PHC3: variants seen among roughly 807,000 people sequenced by gnomAD.
The protein encoded by PHC3 is polyhomeotic homolog 3, also known as polyhomeotic-like protein 3.
PHC3 carries 13 observed loss-of-function variants against 107.4 expected under a neutral mutation model. The ratio of observed to expected loss-of-function variants is 0.12; its 90% CI spans 0.08 to 0.19. PHC3 has a LOEUF of 0.19. Ranked by LOEUF, PHC3 falls within the 10% of genes least tolerant of loss-of-function variation. The pLI is 1.00. For synonymous variants in PHC3, 456 were observed against 427.4 expected, an observed-to-expected ratio of 1.07 and a Z score of -0.83; for missense variants, 992 against 1,210.9, an observed-to-expected ratio of 0.82 and a Z score of 2.68.
chr3:170,133,864 C>T lies in PHC3; in HGVS notation c.919+2555G>A, dbSNP rs115160529. 5.9e-3 allele frequency among the ~76,000 whole-genome samples: 903 copies of T among 152,244 alleles called. 9 individuals are homozygous for T. The highest frequency in any genetic ancestry group is 0.021 in the African/African-American group (855 of 41,546). On this transcript the variant is annotated intron_variant, in intron 7 of 14. Transcript: ENST00000495893. ...TTAAGGGGGACTGAAAAATCCAAAA[C>T]TAGATTTCCTTGCTTGAACTAACCC...
At chr3:170,172,472 G>A (rs1729759485) in intron 3 of PHC3, 85 bp downstream of exon 3, 1 of 1,446,876 alleles carries the variant, frequency 6.9e-7, no homozygotes, top group East Asian at 2.3e-5. Context: ...TGAGAACTCT[G>A]AAATAATACC....
Position 170,129,525 on chromosome 3 carries a change from G to T in PHC3, c.947C>A (p.Ser316Tyr). 6.2e-7 allele frequency: 1 copy of T among 1,613,518 alleles called. No individual in the cohort carries two copies. Among genetic ancestry groups the T allele is most frequent in the Non-Finnish European group, 8.5e-7 (1 of 1,179,604 alleles). The change falls in exon 8 of 15, where the codon TCT becomes TAT. Residue 316 changes from serine (S) to tyrosine (Y), a missense_variant. By Grantham distance (144) the Ser-to-Tyr change is moderately radical. This residue lies in a region of PHC3 where 543 missense variants were observed against 590.8 expected (regional missense o/e 0.92). Transcript: ENST00000495893. Reference sequence around the variant, plus strand: ...AGGAATCTGCTGATGTTTTATTAGAGAATGAGGCTGAATTGGAGAATATGA... The same window carrying T: ...AGGAATCTGCTGATGTTTTATTAGATAATGAGGCTGAATTGGAGAATATGA... The part of the protein sequence containing the change: ...PASYSPIQPH[S>Y]LIKHQQIPLH...
intron 4 of PHC3, among the ~76,000 whole-genome samples, chr3:170,161,360 T>C (rs909562723): frequency 6.6e-6 from 1 of 152,204 alleles, no homozygotes; most frequent in Non-Finnish European, 1.5e-5. Context: ...CTTAAACCAG[T>C]GGTCCCCAAA....
intron 10 of PHC3, among the ~76,000 whole-genome samples, chr3:170,116,540 C>A (rs1719003853): frequency 6.6e-6 from 1 of 152,060 alleles, no homozygotes; most frequent in South Asian, 2.1e-4. Context: ...GCACTCCAGC[C>A]TGGGTGACAG....
chr3:170,137,764 T>C (rs1481860534), intron 6 of PHC3, among the ~76,000 whole-genome samples: 2 of 152,192 alleles, frequency 1.3e-5, no homozygotes, highest in African/African-American at 4.8e-5. Context: ...CCAGGCGTGG[T>C]GGCACGCACC....
intron 4 of PHC3, among the ~76,000 whole-genome samples, chr3:170,165,409 G>A (rs1311382136): frequency 2.0e-5 from 3 of 152,010 alleles, no homozygotes; most frequent in Non-Finnish European, 4.4e-5. Context: ...CAAAATGAAC[G>A]AAAAGGACAA....
chr3:170,140,877 C>T (rs1723985302), intron 6 of PHC3, among the ~76,000 whole-genome samples: 1 of 152,096 alleles, frequency 6.6e-6, no homozygotes, highest in Non-Finnish European at 1.5e-5. Flanking sequence ...GGATTACAGG[C>T]ATGAGCCATT....
intron 6 of PHC3, among the ~76,000 whole-genome samples, chr3:170,139,648 A>G (rs1055734251): frequency 1.3e-5 from 2 of 152,184 alleles, no homozygotes; most frequent in Non-Finnish European, 2.9e-5. Flanking sequence ...TATGTTGTAT[A>G]TATATTATTT....
intron 4 of PHC3, among the ~76,000 whole-genome samples, chr3:170,164,266 G>A (rs1418869376): frequency 6.6e-6 from 1 of 152,106 alleles, no homozygotes; most frequent in African/African-American, 2.4e-5. Flanking sequence ...GAGAAAATGG[G>A]ACTACTGAAG....
intron 12 of PHC3, among the ~76,000 whole-genome samples, chr3:170,104,632 G>A (rs779651055): frequency 2.0e-4 from 30 of 152,038 alleles, no homozygotes; most frequent in Non-Finnish European, 3.8e-4. Context: ...CTTTGCTATT[G>A]CTAACTATTC....
In PHC3 at chr3:170,102,628, C is replaced by T. The variant is rs773725072; in HGVS notation, c.2684G>A (p.Arg895His). 23 of 1,613,820 alleles carry T rather than the reference C, an allele frequency of 1.4e-5. No individual in the cohort carries two copies. In the Admixed American group the frequency reaches 1.5e-4, roughly 11 times the overall value. The change falls in exon 14 of 15, where the codon CGC becomes CAC. Residue 895 changes from arginine to histidine, a missense_variant. Physicochemically the swap from Arg to His is conservative, Grantham distance 29 (BLOSUM62 0). This residue lies in a region of PHC3 where 228 missense variants were observed against 288.8 expected (regional missense o/e 0.79). Coordinates refer to ENST00000495893, the MANE Select transcript of PHC3 (RefSeq NM_024947.4). ...TTCTCTTTCCCGCTCGCTCTGCCTG[C>T]GCAGACGAGTTGTCATAGCAGATGG... ...SVPSAMTTRL[R>H]RQSERERERE...
At chr3:170,174,719 T>C (rs1242574966) in intron 2 of PHC3, among the ~76,000 whole-genome samples, 1 of 152,248 alleles carries the variant, frequency 6.6e-6, no homozygotes, top group Non-Finnish European at 1.5e-5. Context: ...TATTTTCATG[T>C]GTTAATATCT....
chr3:170,176,225 C>CAAAA (rs375783409), intron 2 of PHC3, among the ~76,000 whole-genome samples: 2 of 82,344 alleles, frequency 2.4e-5, no homozygotes. Flanking sequence ...GACTCGGTCT[C>CAAAA]AAAAAAAAAA....
intron 9 of PHC3, among the ~76,000 whole-genome samples, chr3:170,119,763 C>T (rs1390028190): frequency 2.0e-5 from 3 of 151,540 alleles, no homozygotes; most frequent in Non-Finnish European, 4.4e-5. Context: ...TTTATAACAA[C>T]TGAATCTCAG....
Position 170,128,669 on chromosome 3 carries a change from C to T in PHC3, c.1788+15G>A. ...TCAGTTCAGCAAGAAAGTCAAAGAGCTTCCAAGGGCTTACCACTGGTGGAT... is the reference window on the plus strand; with the variant it reads ...TCAGTTCAGCAAGAAAGTCAAAGAGTTTCCAAGGGCTTACCACTGGTGGAT... On this transcript the variant is annotated intron_variant, in intron 8 of 14. Transcript: ENST00000495893. 1.9e-6 allele frequency: 3 copies of T among 1,602,050 alleles called. No homozygotes were observed. Among genetic ancestry groups the T allele is most frequent in the Middle Eastern group, 1.7e-4 (1 of 5,972 alleles).
intron 14 of PHC3, among the ~76,000 whole-genome samples, chr3:170,101,932 T>C (rs1715553349): frequency 6.6e-6 from 1 of 152,184 alleles, no homozygotes; most frequent in Non-Finnish European, 1.5e-5. Flanking sequence ...AGAAAGGCTC[T>C]TGATGTTTAT....
chr3:170,130,970 T>G (rs189262136), intron 7 of PHC3, among the ~76,000 whole-genome samples: 1 of 152,144 alleles, frequency 6.6e-6, no homozygotes, highest in Non-Finnish European at 1.5e-5. Context: ...CTTACATCTA[T>G]TTTTGTGTTC....
At chr3:170,132,291 T>C (rs1001958737) in intron 7 of PHC3, among the ~76,000 whole-genome samples, 1 of 152,108 alleles carries the variant, frequency 6.6e-6, no homozygotes, top group Non-Finnish European at 1.5e-5. Context: ...ATACGACAGA[T>C]GAAGAAACTG....
intron 4 of PHC3, among the ~76,000 whole-genome samples, chr3:170,164,058 T>C (rs1444320351): frequency 2.0e-5 from 3 of 151,878 alleles, no homozygotes; most frequent in Non-Finnish European, 2.9e-5. Context: ...CAAAAATAGC[T>C]GGGTGTGGAG....
Sources: allele counts gnomAD v4.1 joint callset (sites outside exome capture counted in the v4.1 genomes callset), GRCh38; gene constraint gnomAD v4.1.1; regional missense constraint gnomAD v4.1.1; transcripts MANE v1.5; gene names NCBI Gene and HGNC (gene_info 2026-07-23, HGNC 2026-07-21).